KDM4A: variants seen among roughly 807,000 people sequenced by gnomAD.
KDM4A encodes lysine demethylase 4A, also known as lysine-specific demethylase 4A.
In KDM4A, 23 loss-of-function variants were observed where a neutral mutation model predicts 127.1. The observed-to-expected ratio is 0.18, with a 90% CI of 0.13 to 0.26. KDM4A has a LOEUF of 0.26. Among genes scored for constraint, KDM4A ranks in the 10% least tolerant of loss-of-function variants. The pLI, the probability that KDM4A is intolerant of heterozygous loss-of-function variation, is 1.00. For synonymous variants in KDM4A, 443 were observed against 466.5 expected, an observed-to-expected ratio of 0.95 and a Z score of 0.65; for missense variants, 890 against 1,329.1, an observed-to-expected ratio of 0.67 and a Z score of 5.14.
At chr1:43,651,072 G>A (rs1660104739) in intron 1 of KDM4A, among the ~76,000 whole-genome samples, 1 of 152,254 alleles carries the variant, frequency 6.6e-6, no homozygotes, top group East Asian at 1.9e-4. Flanking sequence ...GGCATACAAA[G>A]ATGAATAGGG....
rs1317918215 is a variant in KDM4A at position 43,661,622 on chromosome 1, A to AG, written c.429+1210_429+1211insG. On this transcript the variant is annotated intron_variant, in intron 4 of 21. Transcript: ENST00000372396. ...AGACTCTGTCTCAAAAAAAAAAAAA[A>AG]AAAAAAAAAAAAAAAAAAGAATTCC... Among the ~76,000 whole-genome samples, 7 of 146,884 alleles carry AG rather than the reference A, an allele frequency of 4.8e-5. 1 individual carries two copies. Among genetic ancestry groups the AG allele is most frequent in the African/African-American group, 1.8e-4 (7 of 39,162 alleles).
At chr1:43,661,592 GAGCA>G (rs1660378789) in intron 4 of KDM4A, among the ~76,000 whole-genome samples, 1 of 107,800 alleles carries the variant, frequency 9.3e-6, no homozygotes, top group South Asian at 3.4e-4. Flanking sequence ...CTGGGTGACA[GAGCA>G]AGACTCTGTC....
At chr1:43,701,337 G>A (rs1170705585) in intron 19 of KDM4A, among the ~76,000 whole-genome samples, 2 of 152,226 alleles carry the variant, frequency 1.3e-5, no homozygotes, top group African/African-American at 4.8e-5. Flanking sequence ...ATATTTGTTT[G>A]AAAGCCTGAA....
chr1:43,662,602 G>A (rs1211697930), intron 4 of KDM4A, among the ~76,000 whole-genome samples: 6 of 152,142 alleles, frequency 3.9e-5, no homozygotes, highest in African/African-American at 1.2e-4. Flanking sequence ...GCGAGACTCC[G>A]TCTCAAAAAC....
intron 18 of KDM4A, among the ~76,000 whole-genome samples, chr1:43,696,224 G>A (rs941601191): frequency 6.6e-6 from 1 of 152,202 alleles, no homozygotes; most frequent in African/African-American, 2.4e-5. Flanking sequence ...GAGAAGGCAG[G>A]GCTGGTGTGG....
chr1:43,671,049 C>G (rs1186212675), intron 10 of KDM4A, among the ~76,000 whole-genome samples: 2 of 152,188 alleles, frequency 1.3e-5, no homozygotes, highest in Non-Finnish European at 2.9e-5. Context: ...ATGGGTAAAT[C>G]TAGCTGTTTA....
intron 10 of KDM4A, among the ~76,000 whole-genome samples, chr1:43,670,358 T>G (rs1452835502): frequency 6.6e-6 from 1 of 152,196 alleles, no homozygotes; most frequent in Non-Finnish European, 1.5e-5. Context: ...ATTTATTTAT[T>G]TATATTGACA....
At chr1:43,679,401 G>T (rs2154047854) in intron 11 of KDM4A, among the ~76,000 whole-genome samples, 1 of 152,298 alleles carries the variant, frequency 6.6e-6, no homozygotes, top group South Asian at 2.1e-4. Flanking sequence ...ATAAGGGACA[G>T]ATAGTCAAGG....
Position 43,691,537 on chromosome 1 carries a change from A to C in KDM4A, c.2284A>C (p.Met762Leu). The C allele has an allele frequency of 6.2e-7, 1 of 1,613,764 alleles. No individual in the cohort carries two copies. Reference protein sequence around the residue: ...VPPAKASEDWMCSRCSANALE... With the variant: ...VPPAKASEDWLCSRCSANALE... Reference sequence around the variant, plus strand: ...CCCTGCAAAGGCTTCTGAAGACTGGATGTGTTCTCGGTGTTCAGCCAATGC... The same window carrying C: ...CCCTGCAAAGGCTTCTGAAGACTGGCTGTGTTCTCGGTGTTCAGCCAATGC... Residue 762 changes from methionine to leucine, a missense_variant, in exon 15 of 22, where the codon ATG becomes CTG. Met to Leu is a conservative substitution (Grantham distance 15). This residue lies in a region of KDM4A where 246 missense variants were observed against 418.4 expected (regional missense o/e 0.59). Transcript: ENST00000372396.
Position 43,657,065 on chromosome 1 carries a change from G to A in KDM4A, c.314+1299G>A, listed in dbSNP as rs559853162. Among the ~76,000 whole-genome samples, 57 of 151,924 alleles carry A rather than the reference G, an allele frequency of 3.8e-4. 1 individual carries two copies. The highest frequency in any genetic ancestry group is 6.8e-3 in the Middle Eastern group (2 of 294). On this transcript the variant is annotated intron_variant, in intron 3 of 21. Coordinates refer to ENST00000372396, the MANE Select transcript of KDM4A (RefSeq NM_014663.3). ...GGTATAGATAGGCATGTGCTACCGC[G>A]CTCAGCTAATATTTTTTATTATTTG...
chr1:43,660,938 C>A (rs1210322163), intron 4 of KDM4A, among the ~76,000 whole-genome samples: 1 of 151,818 alleles, frequency 6.6e-6, no homozygotes, highest in African/African-American at 2.4e-5. Context: ...AACAGTAGGG[C>A]ATTCAGGGAT....
In KDM4A at chr1:43,688,829, G is replaced by A. The variant is rs1570863134; in HGVS notation, c.1856-85G>A. 8.0e-7 allele frequency: 1 copy of A among 1,249,460 alleles called. No individual in the cohort carries two copies. The highest frequency in any genetic ancestry group is 1.1e-6 in the Non-Finnish European group (1 of 882,052). 77.4% of individuals were successfully genotyped at this position (1,249,460 alleles called of 1,614,324 possible). On this transcript the variant is annotated intron_variant, in intron 12 of 21. Transcript: ENST00000372396. This position sits in a 1 kb window ranked among gnomAD's most constrained non-coding sequence, Gnocchi z 4.4. ...CCTTGGTCCAAACCTAGGATCAGGA[G>A]TCCTAGTGGAACTCATCTGTTCTCC...
At chr1:43,664,614 C>T (rs1266675404) in intron 5 of KDM4A, among the ~76,000 whole-genome samples, 2 of 152,120 alleles carry the variant, frequency 1.3e-5, no homozygotes, top group African/African-American at 4.8e-5. Context: ...TTCCTTTCTT[C>T]TTTCAAGTGC....
At position 43,703,462 on chromosome 1, in the gene KDM4A, AAG is replaced by A. The variant is rs920017991; in HGVS notation, c.2842-154_2842-153del. On this transcript the variant is annotated intron_variant, in intron 19 of 21. Coordinates refer to ENST00000372396, the MANE Select transcript of KDM4A (RefSeq NM_014663.3). ...AGATAGGGGCAGACTTTGACTTAGCAAGGTCTTTAACTGTTAACATTTTTCAG... is the reference window on the plus strand; with the variant it reads ...AGATAGGGGCAGACTTTGACTTAGCAGTCTTTAACTGTTAACATTTTTCAG... The A allele has an allele frequency of 1.1e-5, 9 of 830,974 alleles. No homozygotes were observed. In the Admixed American group the frequency reaches 2.3e-4, roughly 21 times the overall value. 51.5% of individuals were successfully genotyped at this position (830,974 alleles called of 1,614,324 possible). A position where few individuals can be genotyped will look rare whatever the true frequency, so the allele number is the denominator to read the frequency against.
chr1:43,693,924 C>A lies in KDM4A; in HGVS notation c.2376-70C>A. On this transcript the variant is annotated intron_variant, in intron 16 of 21. Transcript: ENST00000372396. The surrounding 1 kb of genome is among the most constrained non-coding windows in gnomAD (Gnocchi z 4.2). The stretch of plus-strand genomic sequence containing the variant: ...CAGGTGAGGGAGGAAGCGCTGTCAG[C>A]AGGCCCAAAAGAGAAGGCCACAGAG... The A allele has an allele frequency of 7.8e-7, 1 of 1,277,972 alleles. No homozygotes were observed. The highest frequency in any genetic ancestry group is 1.1e-6 in the Non-Finnish European group (1 of 883,394). The allele number at this position is 1,277,972 out of a possible 1,614,324, so 79.2% of individuals were successfully genotyped here.
chr1:43,696,994 GT>G, intron 18 of KDM4A, among the ~76,000 whole-genome samples: 1 of 152,354 alleles, frequency 6.6e-6, no homozygotes, highest in Non-Finnish European at 1.5e-5. Context: ...ATAGCAGATG[GT>G]GAGAAGTGCA....
Position 43,685,087 on chromosome 1 carries a change from G to A in KDM4A, c.1855+1283G>A, listed in dbSNP as rs148789793. 9.6e-4 allele frequency among the ~76,000 whole-genome samples: 146 copies of A among 152,182 alleles called. 1 individual carries two copies. The highest frequency in any genetic ancestry group is 3.3e-3 in the African/African-American group (138 of 41,516). ...TGGATACAATTGTTGGAATAATGAG[G>A]CCGATCTTGGGGAGGGGACCAAGGG... On this transcript the variant is annotated intron_variant, in intron 12 of 21. Transcript: ENST00000372396.
intron 7 of KDM4A, 36 bp downstream of exon 7, chr1:43,666,591 C>T (rs1443304802): frequency 1.3e-6 from 2 of 1,527,860 alleles, no homozygotes; most frequent in Non-Finnish European, 1.8e-6. Context: ...TCTCAGGCAC[C>T]ACCCTTTCTG....
rs765891534 is a variant in KDM4A, at chr1:43,667,999, G to A, written c.1143G>A (p.Glu381=). Residue 381 remains glutamate, a synonymous_variant, in exon 9 of 22, where the codon GAG becomes GAA. Transcript: ENST00000372396. ...ACATGGAAGGGGTGGAGGATGGAGA[G>A]GAAGGAGACCTGAAGACAAGGTAAC... ...EEDMEGVEDG[E]EGDLKTSLAK... is the part of the protein sequence containing the mutation. The A allele has an allele frequency of 1.9e-6, 3 of 1,614,086 alleles. No homozygotes were observed. Among genetic ancestry groups the A allele is most frequent in the Non-Finnish European group, 2.5e-6 (3 of 1,180,000 alleles).
Sources: allele counts gnomAD v4.1 joint callset (sites outside exome capture counted in the v4.1 genomes callset), GRCh38; gene constraint gnomAD v4.1.1; regional missense constraint gnomAD v4.1.1; non-coding constraint Gnocchi (gnomAD v3.1); transcripts MANE v1.5; gene names NCBI Gene and HGNC (gene_info 2026-07-23, HGNC 2026-07-21).